CD8B: variants seen among roughly 807,000 people sequenced by gnomAD.
CD8B encodes CD8 subunit beta.
A neutral mutation model predicts 24.2 loss-of-function variants in CD8B; 6 were observed. The observed-to-expected ratio is 0.25, with a 90% CI of 0.14 to 0.49. The LOEUF (loss-of-function observed/expected upper bound fraction) is 0.49. Among genes scored for constraint, CD8B ranks in the 20% least tolerant of loss-of-function variants. CD8B has a pLI of 0.98. For synonymous variants in CD8B, 84 were observed against 108.3 expected, an observed-to-expected ratio of 0.78 and a Z score of 1.39; for missense variants, 196 against 271.3, an observed-to-expected ratio of 0.72 and a Z score of 1.95.
In CD8B at chr2:86,851,543, A is replaced by G. The variant is rs149301588; in HGVS notation, c.493+1454T>C. On this transcript the variant is annotated intron_variant, in intron 3 of 5. Transcript: ENST00000390655. ...TTTACTCTTCTGTACATTGGTTCTG[A>G]TTTTCTTTTTACTGTGACCTCATGT... Among the ~76,000 whole-genome samples the G allele has an allele frequency of 4.3e-3, 654 of 151,964 alleles. 7 individuals carry two copies. The highest frequency in any genetic ancestry group is 0.015 in the African/African-American group (603 of 41,418).
chr2:86,847,875 T>C (rs1675763467), intron 3 of CD8B, among the ~76,000 whole-genome samples: 1 of 152,222 alleles, frequency 6.6e-6, no homozygotes, highest in Non-Finnish European at 1.5e-5. Context: ...CTTAAATACA[T>C]ATAGTTTTAA....
downstream of CD8B, among the ~76,000 whole-genome samples, chr2:86,833,651 T>TCCTTCCTTCCTTCCTC (rs1675044380): frequency 1.0e-5 from 1 of 96,888 alleles, no homozygotes; most frequent in Non-Finnish European, 2.3e-5. Context: ...CTTCCTTCCT[T>TCCTTCCTTCCTTCCTC]CCTTCCTTCC....
exon 6 of CD8B, chr2:86,815,621 T>G: frequency 6.2e-7 from 1 of 1,605,516 alleles, no homozygotes; most frequent in African/African-American, 1.3e-5. Flanking sequence ...GTTTTCAGGA[T>G]CCATGGGTTA....
At chr2:86,861,167 G>T (rs530703532) in intron 1 of CD8B, among the ~76,000 whole-genome samples, 4 of 152,034 alleles carry the variant, frequency 2.6e-5, no homozygotes, top group African/African-American at 9.7e-5. Context: ...GTAGTTTTCC[G>T]GGTGTGTGGA....
chr2:86,861,492 C>G (rs1424855247), intron 1 of CD8B, among the ~76,000 whole-genome samples: 1 of 152,212 alleles, frequency 6.6e-6, no homozygotes, highest in Non-Finnish European at 1.5e-5. Context: ...GGGCAGGGAC[C>G]TGTTTCCTTC....
chr2:86,855,265 C>G (rs529334522), intron 2 of CD8B, among the ~76,000 whole-genome samples: 1 of 152,154 alleles, frequency 6.6e-6, no homozygotes. Context: ...GGAGAGAACA[C>G]GATCTGTTTG....
chr2:86,841,911 C>T lies in CD8B; in HGVS notation c.*396G>A. ...AAGAGGGAGCCAGCCCAGCATCACC[C>T]CATGAAAGACCCAGGACCCAATGTT... On this transcript the variant is annotated 3_prime_UTR_variant, in exon 6 of 6. Transcript: ENST00000390655. 3 of 995,512 alleles carry T rather than the reference C, an allele frequency of 3.0e-6. No homozygotes were observed. Among genetic ancestry groups the T allele is most frequent in the Non-Finnish European group, 3.6e-6 (3 of 836,846 alleles). 61.7% of individuals were successfully genotyped at this position (995,512 alleles called of 1,614,324 possible). A position where few individuals can be genotyped will look rare whatever the true frequency, so the allele number is the denominator to read the frequency against.
intron 5 of CD8B, among the ~76,000 whole-genome samples, chr2:86,831,408 T>C (rs1378757601): frequency 1.3e-5 from 2 of 152,258 alleles, no homozygotes; most frequent in Middle Eastern, 3.2e-3. Context: ...CTGCTACATT[T>C]GTCATGTAAT....
intron 5 of CD8B, chr2:86,844,570 T>G: frequency 1.5e-6 from 2 of 1,311,468 alleles, no homozygotes; most frequent in African/African-American, 3.0e-5. Flanking sequence ...TACATTTAAC[T>G]TACTGGTCAG....
rs569371280 is a variant in CD8B at position 86,860,720 on chromosome 2, T to C, written c.43+1103A>G. ...TGGTTATGTGCTCACGAGCACACAG[T>C]GGGGCTGCAAGTACACAGGTGCCCG... On this transcript the variant is annotated intron_variant, in intron 1 of 5. Coordinates refer to ENST00000390655, the MANE Select transcript of CD8B (RefSeq NM_004931.5). Among the ~76,000 whole-genome samples, 26 of 152,232 alleles carry C rather than the reference T, an allele frequency of 1.7e-4. No individual in the cohort carries two copies. In the East Asian group the frequency reaches 4.5e-3, roughly 26 times the overall value.
At chr2:86,844,748 T>C in intron 5 of CD8B, 174 bp downstream of exon 5, 1 of 1,531,850 alleles carries the variant, frequency 6.5e-7, no homozygotes, top group East Asian at 2.5e-5. Flanking sequence ...GCTCAAGTGA[T>C]CCTCCTGCTT....
intron 5 of CD8B, chr2:86,822,388 A>T: frequency 6.6e-7 from 1 of 1,516,696 alleles, no homozygotes; most frequent in Non-Finnish European, 9.1e-7. Flanking sequence ...GGCACAATAG[A>T]GTATGAACAG....
chr2:86,855,849 GC>G (rs1172606658), intron 2 of CD8B, among the ~76,000 whole-genome samples: 1 of 152,190 alleles, frequency 6.6e-6, no homozygotes, highest in Non-Finnish European at 1.5e-5. Flanking sequence ...GCTGGGCACC[GC>G]CGCCTGGGTC....
At chr2:86,833,092 A>G in intron 5 of CD8B, 1 of 316,832 alleles carries the variant, frequency 3.2e-6, no homozygotes, top group Non-Finnish European at 6.2e-6. Flanking sequence ...ACAGACATGA[A>G]GATGCTTTCC....
intron 5 of CD8B, among the ~76,000 whole-genome samples, chr2:86,818,164 G>A (rs566644334): frequency 6.6e-6 from 1 of 152,138 alleles, no homozygotes; most frequent in African/African-American, 2.4e-5. Context: ...AGCCGAGACT[G>A]TACCACTGCA....
intron 5 of CD8B, among the ~76,000 whole-genome samples, chr2:86,825,355 C>T (rs1674636740): frequency 6.6e-6 from 1 of 152,158 alleles, no homozygotes; most frequent in African/African-American, 2.4e-5. Context: ...GGATCACCGT[C>T]CTCCAGGATC....
At chr2:86,837,580 T>C (rs908369064), downstream of CD8B, among the ~76,000 whole-genome samples, 9 of 149,842 alleles carry the variant, frequency 6.0e-5, no homozygotes, top group African/African-American at 2.2e-4. Flanking sequence ...TTTGACTGGG[T>C]GGTAGATTCG....
chr2:86,842,019 G>A lies in CD8B; in HGVS notation c.*288C>T, dbSNP rs1378333005. 8.5e-7 allele frequency: 1 copy of A among 1,174,226 alleles called. No homozygotes were observed. The highest frequency in any genetic ancestry group is 1.1e-6 in the Non-Finnish European group (1 of 948,802). 72.7% of individuals were successfully genotyped at this position (1,174,226 alleles called of 1,614,324 possible). A position where few individuals can be genotyped will look rare whatever the true frequency, so the allele number is the denominator to read the frequency against. ...AGGTCCCAGTTCAGGGAAAGCACAG[G>A]AGCCGGAAGCGGTGGCATGGGCAGC... On this transcript the variant is annotated 3_prime_UTR_variant, in exon 6 of 6. Coordinates refer to ENST00000390655, the MANE Select transcript of CD8B (RefSeq NM_004931.5).
intron 3 of CD8B, among the ~76,000 whole-genome samples, chr2:86,847,133 T>C (rs1351957769): frequency 2.4e-4 from 37 of 151,664 alleles, no homozygotes; most frequent in African/African-American, 8.2e-4. Context: ...GAGAGGGTTT[T>C]ATCATGTTGG....
Sources: allele counts gnomAD v4.1 joint callset (sites outside exome capture counted in the v4.1 genomes callset), GRCh38; gene constraint gnomAD v4.1.1; transcripts MANE v1.5; gene names NCBI Gene and HGNC (gene_info 2026-07-23, HGNC 2026-07-21).